SEMA6D: variants seen among roughly 807,000 people sequenced by gnomAD.
SEMA6D encodes semaphorin-6D.
Under a neutral mutation model 106.6 loss-of-function variants are expected in SEMA6D, and 35 were observed. The ratio of observed to expected loss-of-function variants is 0.33; its 90% confidence interval spans 0.25 to 0.44. The LOEUF (loss-of-function observed/expected upper bound fraction) is 0.44, where lower values mean the gene tolerates loss of function less well. SEMA6D is among the 20% of genes least tolerant of loss of function. SEMA6D has a pLI of 1.00. For missense variants in SEMA6D, 1,185 were observed against 1,345.9 expected (o/e 0.88, Z 1.87); for synonymous variants, 499 against 487.7 (o/e 1.02, Z -0.31).
intron 1 of SEMA6D, among the ~76,000 whole-genome samples, chr15:47,252,995 T>G (rs1184313388): frequency 6.6e-6 from 1 of 152,162 alleles, no homozygotes; most frequent in Non-Finnish European, 1.5e-5. Context: ...AATGGCTGTA[T>G]TAATCTACAT....
intron 1 of SEMA6D, among the ~76,000 whole-genome samples, chr15:47,364,042 A>G (rs569827924): frequency 5.9e-5 from 9 of 152,266 alleles, no homozygotes; most frequent in African/African-American, 2.2e-4. Context: ...TCGACACATG[A>G]AGATTACAAT....
At chr15:47,236,211 T>C (rs1021616056) in intron 1 of SEMA6D, among the ~76,000 whole-genome samples, 2 of 152,146 alleles carry the variant, frequency 1.3e-5, no homozygotes, top group Non-Finnish European at 2.9e-5. Flanking sequence ...TCTTAGAGTC[T>C]TTTAATCTGC....
At chr15:47,471,927 T>TGTCACACA (rs1555445487) in intron 3 of SEMA6D, among the ~76,000 whole-genome samples, 17 of 113,954 alleles carry the variant, frequency 1.5e-4, no homozygotes, top group African/African-American at 6.0e-4. Context: ...TCTCTCTCTC[T>TGTCACACA]CTCTCACACA....
intron 3 of SEMA6D, among the ~76,000 whole-genome samples, chr15:47,594,778 A>C (rs2076504962): frequency 1.3e-5 from 2 of 152,180 alleles, no homozygotes; most frequent in Non-Finnish European, 2.9e-5. Flanking sequence ...GAAGTAACCC[A>C]GTTTAGGAAG....
At chr15:47,675,065 C>T (rs17386817) in intron 4 of SEMA6D, among the ~76,000 whole-genome samples, 2,999 of 152,286 alleles carry the variant, frequency 0.02, 40 homozygotes, top group Non-Finnish European at 0.033. Context: ...GTGTTCGATC[C>T]AGGAGTGACC....
intron 1 of SEMA6D, among the ~76,000 whole-genome samples, chr15:47,314,482 C>T (rs916716642): frequency 1.7e-4 from 25 of 146,232 alleles, no homozygotes; most frequent in Non-Finnish European, 3.0e-4. Flanking sequence ...CCTGTAGTCC[C>T]AGCTACTTGG....
chr15:47,737,930 C>G (rs1022019924), intron 1 of SEMA6D, among the ~76,000 whole-genome samples: 7 of 151,916 alleles, frequency 4.6e-5, no homozygotes, highest in Middle Eastern at 3.4e-3. Flanking sequence ...CCCAACTTTA[C>G]CAGTATTATC....
At chr15:47,300,336 G>A (rs1345775017) in intron 1 of SEMA6D, among the ~76,000 whole-genome samples, 1 of 151,100 alleles carries the variant, frequency 6.6e-6, no homozygotes, top group Non-Finnish European at 1.5e-5. Flanking sequence ...GAAATGGAGA[G>A]TTTTACCCAT....
At chr15:47,514,094 C>A (rs996503861) in intron 3 of SEMA6D, among the ~76,000 whole-genome samples, 2 of 152,198 alleles carry the variant, frequency 1.3e-5, no homozygotes, top group East Asian at 1.9e-4. Flanking sequence ...TCATTACTTG[C>A]ATGAGTGAGA....
chr15:47,766,712 C>T, intron 16 of SEMA6D, 35 bp downstream of exon 16: 5 of 1,405,148 alleles, frequency 3.6e-6, no homozygotes, highest in Non-Finnish European at 5.0e-6. Flanking sequence ...CCTGGAGCTT[C>T]TTTTTGACCA....
chr15:47,607,895 G>A (rs1413772936), intron 4 of SEMA6D, among the ~76,000 whole-genome samples: 2 of 152,088 alleles, frequency 1.3e-5, no homozygotes, highest in Non-Finnish European at 1.5e-5. Flanking sequence ...GAGTATGCTG[G>A]GCTTCTGCCA....
At chr15:47,605,725 A>T (rs558650110) in intron 4 of SEMA6D, among the ~76,000 whole-genome samples, 18 of 152,262 alleles carry the variant, frequency 1.2e-4, no homozygotes, top group African/African-American at 4.3e-4. Context: ...ATTATAAAGG[A>T]TACAATTCAG....
At chr15:47,606,882 C>T (rs1028705366) in intron 4 of SEMA6D, among the ~76,000 whole-genome samples, 1 of 152,206 alleles carries the variant, frequency 6.6e-6, no homozygotes, top group South Asian at 2.1e-4. Context: ...ATTCAGACTT[C>T]TGAAGGCAAC....
At chr15:47,742,027 A>T (rs1188845432) in intron 1 of SEMA6D, among the ~76,000 whole-genome samples, 2 of 152,148 alleles carry the variant, frequency 1.3e-5, no homozygotes, top group Non-Finnish European at 2.9e-5. Flanking sequence ...CAGTCAGAGG[A>T]GCTGCAGAAG....
intron 1 of SEMA6D, among the ~76,000 whole-genome samples, chr15:47,250,779 G>T (rs2033473296): frequency 6.6e-6 from 1 of 152,214 alleles, no homozygotes; most frequent in African/African-American, 2.4e-5. Context: ...ACTGCGTATG[G>T]CTCTCTTCTG....
At chr15:47,266,269 T>TTC (rs2034313710) in intron 1 of SEMA6D, among the ~76,000 whole-genome samples, 1 of 152,070 alleles carries the variant, frequency 6.6e-6, no homozygotes, top group Admixed American at 6.6e-5. Flanking sequence ...AGACTTGAAC[T>TTC]TCTGCACACC....
chr15:47,315,758 G>GA (rs1220250501), intron 1 of SEMA6D, among the ~76,000 whole-genome samples: 1 of 151,914 alleles, frequency 6.6e-6, no homozygotes. Flanking sequence ...GTTCTTTTTT[G>GA]ACTTAGTATG....
chr15:47,550,466 A>G (rs1439963805), intron 3 of SEMA6D, among the ~76,000 whole-genome samples: 1 of 152,144 alleles, frequency 6.6e-6, no homozygotes, highest in African/African-American at 2.4e-5. Flanking sequence ...ATAGATATGG[A>G]TAGAACAACA....
rs2080021222 is a variant in SEMA6D at position 47,730,167 on chromosome 15, T to C, written c.-55+12475T>C. Reference sequence around the variant, plus strand: ...TAACCCAATTTAGTGGCAAGTTCTTTAGCCTTTGCCTTTTCGAGCTTGGCG... The same window carrying C: ...TAACCCAATTTAGTGGCAAGTTCTTCAGCCTTTGCCTTTTCGAGCTTGGCG... On this transcript the variant is annotated intron_variant, in intron 1 of 18. Transcript: ENST00000536845. The C allele has an allele frequency of 7.3e-6, 11 of 1,513,382 alleles. No individual in the cohort carries two copies. The Admixed American group carries it at 1.5e-4, about 21-fold the overall frequency. The allele number at this position is 1,513,382 out of a possible 1,614,324, so 93.7% of individuals were successfully genotyped here.
Sources: allele counts gnomAD v4.1 joint callset (sites outside exome capture counted in the v4.1 genomes callset), GRCh38; gene constraint gnomAD v4.1.1; transcripts MANE v1.5; gene names NCBI Gene and HGNC (gene_info 2026-07-23, HGNC 2026-07-21).